SLC24A2: variants seen among roughly 807,000 people sequenced by gnomAD.
SLC24A2 encodes sodium/potassium/calcium exchanger 2.
A neutral mutation model predicts 62.0 loss-of-function variants in SLC24A2; 36 were observed. That is an observed-to-expected ratio of 0.58 (90% CI 0.44 to 0.77). The LOEUF (loss-of-function observed/expected upper bound fraction) is 0.77, where lower values mean the gene tolerates loss of function less well. Ranked by LOEUF, SLC24A2 falls within the 30% of genes least tolerant of loss-of-function variation. The pLI, the probability that SLC24A2 is intolerant of heterozygous loss-of-function variation, is 0.00. For missense variants in SLC24A2, 846 were observed against 817.9 expected, an observed-to-expected ratio of 1.03 and a Z score of -0.42; for synonymous variants, 358 against 294.0, an observed-to-expected ratio of 1.22 and a Z score of -2.23.
At chr9:19,572,796 TGGTTGTGCCATTGAATAATG>T (rs1835878121) in intron 7 of SLC24A2, among the ~76,000 whole-genome samples, 1 of 152,158 alleles carries the variant, frequency 6.6e-6, no homozygotes, top group Non-Finnish European at 1.5e-5. Flanking sequence ...AAAGTTCAAG[TGGTTGTGCCATTGAATAATG>T]GGTTGGGCCA....
the SLC24A2 span, among the ~76,000 whole-genome samples, chr9:20,169,318 G>A: frequency 6.6e-6 from 1 of 151,956 alleles, no homozygotes; most frequent in Admixed American, 6.6e-5. Flanking sequence ...CACTCAGATG[G>A]ACAGAGCAGC....
intron 2 of SLC24A2, among the ~76,000 whole-genome samples, chr9:19,733,286 G>A (rs920915064): frequency 6.6e-6 from 1 of 152,082 alleles, no homozygotes; most frequent in Non-Finnish European, 1.5e-5. Flanking sequence ...CACATCATTT[G>A]GATATTGTCA....
At chr9:20,280,717 G>C in the SLC24A2 span, among the ~76,000 whole-genome samples, 1 of 152,164 alleles carries the variant, frequency 6.6e-6, no homozygotes, top group African/African-American at 2.4e-5. Context: ...ATTGGTAACA[G>C]GGTTTTAGAA....
chr9:19,590,098 A>G (rs1292996379), intron 5 of SLC24A2, among the ~76,000 whole-genome samples: 1 of 152,146 alleles, frequency 6.6e-6, no homozygotes, highest in East Asian at 1.9e-4. Context: ...CCTCTCCTGG[A>G]AAGACAGACC....
At chr9:20,240,266 A>G in the SLC24A2 span, among the ~76,000 whole-genome samples, 1 of 152,190 alleles carries the variant, frequency 6.6e-6, no homozygotes. Flanking sequence ...TTGTTTTTCC[A>G]TCTTCAAAGG....
chr9:19,748,674 ATTTT>A lies in SLC24A2; in HGVS notation c.930+37259_930+37262del, dbSNP rs537289880. 1.9e-3 allele frequency among the ~76,000 whole-genome samples: 219 copies of A among 117,454 alleles called. 6 individuals carry two copies. The South Asian group carries it at 0.056, about 30-fold the overall frequency. 77.1% of individuals were successfully genotyped at this position (117,454 alleles called of 152,430 possible). ...AGATGTTTTTATTGTCCCTTTTTTGATTTTTTTGTTTGTTTGTTTGTTTGTTGGT... is the reference window on the plus strand; with the variant it reads ...AGATGTTTTTATTGTCCCTTTTTTGATTTGTTTGTTTGTTTGTTTGTTGGT... On this transcript the variant is annotated intron_variant, in intron 2 of 10. Transcript: ENST00000341998.
the SLC24A2 span, among the ~76,000 whole-genome samples, chr9:20,085,527 G>A: frequency 1.3e-5 from 2 of 152,160 alleles, no homozygotes; most frequent in Non-Finnish European, 2.9e-5. Flanking sequence ...AGCGTTGTTT[G>A]ACTAACATTT....
At chr9:20,251,456 G>A in the SLC24A2 span, among the ~76,000 whole-genome samples, 2 of 152,142 alleles carry the variant, frequency 1.3e-5, no homozygotes, top group African/African-American at 4.8e-5. Context: ...TCTCTAAGTA[G>A]GGAGGCTATG....
rs1032197362 is a variant in SLC24A2 at position 19,510,031 on chromosome 9, C to T, written c.*6122G>A. 8 of 152,144 alleles carry T rather than the reference C, an allele frequency of 5.3e-5. No homozygotes were observed. Among genetic ancestry groups the T allele is most frequent in the Non-Finnish European group, 1.0e-4 (7 of 68,042 alleles). 9.4% of individuals were successfully genotyped at this position (152,144 alleles called of 1,614,324 possible). ...ATTTAAAATAAAAATATTGATTCCT[C>T]TTGATAAATTAGTGGGTAAGTACAG... is the stretch of plus-strand genomic sequence containing the variant. On this transcript the variant is annotated 3_prime_UTR_variant, in exon 11 of 11. Coordinates refer to ENST00000341998, the MANE Select transcript of SLC24A2 (RefSeq NM_020344.4).
chr9:19,770,609 C>T (rs1165763237), intron 2 of SLC24A2, among the ~76,000 whole-genome samples: 1 of 152,138 alleles, frequency 6.6e-6, no homozygotes, highest in African/African-American at 2.4e-5. Context: ...GTCATCTGCT[C>T]CCACTTCCTG....
At chr9:20,150,776 T>A in the SLC24A2 span, among the ~76,000 whole-genome samples, 42 of 151,968 alleles carry the variant, frequency 2.8e-4, no homozygotes, top group South Asian at 8.3e-4. Flanking sequence ...AAAATTAAGT[T>A]TATAAAGAAA....
chr9:20,235,756 A>G, the SLC24A2 span, among the ~76,000 whole-genome samples: 1 of 151,794 alleles, frequency 6.6e-6, no homozygotes, highest in African/African-American at 2.4e-5. Context: ...ACTGTCTGGC[A>G]CTCCCCAGTG....
At chr9:19,996,767 A>C in the SLC24A2 span, among the ~76,000 whole-genome samples, 1 of 147,250 alleles carries the variant, frequency 6.8e-6, no homozygotes, top group African/African-American at 2.5e-5. Flanking sequence ...AAAAAAAAAA[A>C]GGAGATCCAT....
chr9:20,107,912 T>C, the SLC24A2 span, among the ~76,000 whole-genome samples: 1 of 152,002 alleles, frequency 6.6e-6, no homozygotes, highest in Non-Finnish European at 1.5e-5. Flanking sequence ...ACAGGCAACC[T>C]ACAAAATGGG....
rs180935959 is a variant in SLC24A2, at chr9:19,783,514, C to T, written c.930+2423G>A. Among the ~76,000 whole-genome samples, 4 of 152,206 alleles carry T rather than the reference C, an allele frequency of 2.6e-5. No individual in the cohort carries two copies. In the East Asian group the frequency reaches 7.7e-4, roughly 29 times the overall value. ...ACACAGTCAGAATTCAACTCTGCAGCCAGGTGACTAGATGACCACACTCCA... is the reference window on the plus strand; with the variant it reads ...ACACAGTCAGAATTCAACTCTGCAGTCAGGTGACTAGATGACCACACTCCA... On this transcript the variant is annotated intron_variant, in intron 2 of 10. Coordinates refer to ENST00000341998, the MANE Select transcript of SLC24A2 (RefSeq NM_020344.4).
chr9:19,577,585 C>T (rs1430937994), intron 5 of SLC24A2, among the ~76,000 whole-genome samples: 1 of 152,176 alleles, frequency 6.6e-6, no homozygotes, highest in Non-Finnish European at 1.5e-5. Context: ...AAGGAACATG[C>T]ATCACAGCTT....
chr9:20,156,911 C>T, the SLC24A2 span, among the ~76,000 whole-genome samples: 1 of 151,676 alleles, frequency 6.6e-6, no homozygotes, highest in African/African-American at 2.4e-5. Flanking sequence ...GAAGGAGATC[C>T]TTCTGTTCAC....
chr9:19,560,839 T>G (rs1378575984), intron 7 of SLC24A2, among the ~76,000 whole-genome samples: 1 of 152,090 alleles, frequency 6.6e-6, no homozygotes, highest in East Asian at 1.9e-4. Context: ...CATAGAAAGA[T>G]CTCTATCTTT....
intron 9 of SLC24A2, 72 bp from the exon 10 acceptor site, chr9:19,521,132 A>G: frequency 7.2e-7 from 1 of 1,380,274 alleles, no homozygotes; most frequent in Non-Finnish European, 1.0e-6. Flanking sequence ...AAAAATTTCA[A>G]TGCGACCTCC....
Sources: gnomAD v4.1 joint callset for allele counts (sites outside exome capture counted in the v4.1 genomes callset) on GRCh38, gnomAD v4.1.1 for gene constraint, MANE v1.5 for transcripts, NCBI Gene and HGNC (gene_info 2026-07-23, HGNC 2026-07-21) for gene names.